Variants in NRXN3 observed in about 807,000 individuals in gnomAD.
NRXN3 encodes the protein neurexin 3, also known as neurexin III.
Under a neutral mutation model 137.6 loss-of-function variants are expected in NRXN3, and 32 were observed. That is an observed-to-expected ratio of 0.23 (90% confidence interval 0.18 to 0.31). The LOEUF (loss-of-function observed/expected upper bound fraction) is 0.31. Among genes scored for constraint, NRXN3 ranks in the 10% least tolerant of loss-of-function variants. The pLI, the probability that NRXN3 is intolerant of heterozygous loss-of-function variation, is 1.00. For missense variants in NRXN3, 1,574 were observed against 2,062.5 expected, an observed-to-expected ratio of 0.76 and a Z score of 4.59; for synonymous variants, 798 against 784.5, an observed-to-expected ratio of 1.02 and a Z score of -0.29.
chr14:79,845,602 G>C (rs1380810073), intron 20 of NRXN3, among the ~76,000 whole-genome samples: 5 of 142,118 alleles, frequency 3.5e-5, no homozygotes, highest in Non-Finnish European at 7.8e-5. Flanking sequence ...GAGAGAGAGA[G>C]ACAGAGAGAG....
At chr14:79,062,238 C>T (rs1336314369) in intron 15 of NRXN3, among the ~76,000 whole-genome samples, 1 of 152,086 alleles carries the variant, frequency 6.6e-6, no homozygotes, top group Non-Finnish European at 1.5e-5. Context: ...CCTACGGGAC[C>T]CAGGCTGAAC....
At chr14:79,181,420 C>T (rs144545108) in intron 15 of NRXN3, among the ~76,000 whole-genome samples, 13 of 152,088 alleles carry the variant, frequency 8.5e-5, no homozygotes, top group South Asian at 4.2e-4. Flanking sequence ...CGGTGGCTCA[C>T]GCCTGTAATC....
At position 79,108,406 on chromosome 14, in the gene NRXN3, G is replaced by A. The variant is rs541542102; in HGVS notation, c.3262+120265G>A. On this transcript the variant is annotated intron_variant, in intron 15 of 20. Coordinates refer to ENST00000335750, the MANE Select transcript of NRXN3 (RefSeq NM_001330195.2). ...GTTTTGGCACACACACAAAAACATC[G>A]TTTGTGCTAGCCTTGGACTTTGCTA... Among the ~76,000 whole-genome samples the A allele has an allele frequency of 9.9e-5, 15 of 152,182 alleles. No individual in the cohort carries two copies. In the South Asian group the frequency reaches 2.5e-3, roughly 25 times the overall value.
chr14:78,549,433 T>G (rs2096665727), intron 4 of NRXN3, among the ~76,000 whole-genome samples: 1 of 152,200 alleles, frequency 6.6e-6, no homozygotes, highest in African/African-American at 2.4e-5. Context: ...TTTCTCGAGC[T>G]CATGCTCCCC....
intron 16 of NRXN3, among the ~76,000 whole-genome samples, chr14:79,621,320 G>A (rs2098221893): frequency 6.6e-6 from 1 of 152,172 alleles, no homozygotes; most frequent in Admixed American, 6.6e-5. Context: ...CAATTTCAAA[G>A]AGGTAAGTGT....
chr14:79,278,548 C>T (rs2080683970), intron 15 of NRXN3, among the ~76,000 whole-genome samples: 2 of 152,354 alleles, frequency 1.3e-5, no homozygotes, highest in South Asian at 4.1e-4. Context: ...GGCAGCCCTT[C>T]TGCAGCCAGT....
At chr14:78,744,384 C>T (rs1296391093) in intron 8 of NRXN3, 6 of 152,222 alleles carry the variant, frequency 3.9e-5, no homozygotes, top group African/African-American at 1.4e-4. Flanking sequence ...CCGCCTCGGC[C>T]TTCCAAAGTG....
chr14:78,646,073 G>A (rs990143471), intron 5 of NRXN3, among the ~76,000 whole-genome samples: 2 of 151,958 alleles, frequency 1.3e-5, no homozygotes, highest in East Asian at 3.9e-4. Flanking sequence ...TGACTGGGAG[G>A]CCTGGAAAGT....
chr14:78,975,657 CAG>C (rs945083254), intron 14 of NRXN3, among the ~76,000 whole-genome samples: 1 of 152,108 alleles, frequency 6.6e-6, no homozygotes, highest in African/African-American at 2.4e-5. Flanking sequence ...TATTCCAAGA[CAG>C]AGGGAAGAGA....
intron 15 of NRXN3, among the ~76,000 whole-genome samples, chr14:79,330,112 G>A (rs764291089): frequency 5.3e-5 from 8 of 152,072 alleles, no homozygotes; most frequent in Non-Finnish European, 1.0e-4. Context: ...TTACAGGTGT[G>A]AGCCACCGTG....
At chr14:78,973,969 A>G (rs577994760) in intron 14 of NRXN3, among the ~76,000 whole-genome samples, 5 of 152,292 alleles carry the variant, frequency 3.3e-5, no homozygotes, top group Admixed American at 2.0e-4. Flanking sequence ...TCCAGAATAC[A>G]TCCACCAATG....
At chr14:78,943,440 G>T (rs77629908) in intron 10 of NRXN3, among the ~76,000 whole-genome samples, 6 of 150,770 alleles carry the variant, frequency 4.0e-5, no homozygotes, top group African/African-American at 1.2e-4. Context: ...GTGAAGTCTG[G>T]GGGGAGAAGC....
chr14:78,339,411 G>A (rs1028932568), intron 4 of NRXN3, among the ~76,000 whole-genome samples: 1 of 152,178 alleles, frequency 6.6e-6, no homozygotes, highest in African/African-American at 2.4e-5. Context: ...GTGACAAACA[G>A]ACACAGGCCC....
intron 4 of NRXN3, among the ~76,000 whole-genome samples, chr14:78,326,966 C>T (rs2080183819): frequency 6.6e-6 from 1 of 151,316 alleles, no homozygotes; most frequent in African/African-American, 2.4e-5. Context: ...TGAGTTTCCT[C>T]ATCTGTAGAA....
intron 15 of NRXN3, among the ~76,000 whole-genome samples, chr14:79,392,084 G>T (rs1387299802): frequency 1.3e-5 from 2 of 151,982 alleles, no homozygotes; most frequent in African/African-American, 2.4e-5. Context: ...ATGGTGGTTT[G>T]CTGCACCCAT....
chr14:79,126,685 T>C (rs976773958), intron 15 of NRXN3, among the ~76,000 whole-genome samples: 60 of 152,052 alleles, frequency 3.9e-4, no homozygotes, highest in Middle Eastern at 6.8e-3. Flanking sequence ...TTTGGGTATA[T>C]ACCCAGTAAT....
intron 15 of NRXN3, among the ~76,000 whole-genome samples, chr14:79,171,695 A>C (rs1466232134): frequency 6.6e-6 from 1 of 152,172 alleles, no homozygotes; most frequent in Admixed American, 6.5e-5. Flanking sequence ...TTGCTCTTCT[A>C]CCTTCCTCCT....
At position 79,763,220 on chromosome 14, in the gene NRXN3, A is replaced by G. The variant is rs1010022286; in HGVS notation, c.4015-41892A>G. 2.6e-5 allele frequency among the ~76,000 whole-genome samples: 4 copies of G among 151,626 alleles called. 1 individual carries two copies. The highest frequency in any genetic ancestry group is 7.3e-5 in the African/African-American group (3 of 40,898). ...TGAACTCATCCTTTTTTATGGTTGC[A>G]TAGTATTCCATGGTGTATACGTGCC... On this transcript the variant is annotated intron_variant, in intron 19 of 20. Transcript: ENST00000335750.
At chr14:78,596,732 A>G (rs113822621) in intron 4 of NRXN3, among the ~76,000 whole-genome samples, 22 of 152,338 alleles carry the variant, frequency 1.4e-4, no homozygotes, top group African/African-American at 5.3e-4. Context: ...GTGGGAAGAC[A>G]CATGGCATCT....
Sources: allele counts gnomAD v4.1 joint callset (sites outside exome capture counted in the v4.1 genomes callset), GRCh38; gene constraint gnomAD v4.1.1; transcripts MANE v1.5; gene names NCBI Gene and HGNC (gene_info 2026-07-23, HGNC 2026-07-21).